The following ASTN2 variants were observed in gnomAD, a reference collection of about 807,000 sequenced individuals.
The protein encoded by ASTN2 is astrotactin 2.
Under a neutral mutation model 139.8 loss-of-function variants are expected in ASTN2, and 54 were observed. That is an observed-to-expected ratio of 0.39 (90% CI 0.31 to 0.48). ASTN2 has a LOEUF of 0.48. ASTN2 is among the 20% of genes least tolerant of loss of function. ASTN2 has a pLI of 0.95. For missense variants in ASTN2, 1,565 were observed against 1,725.1 expected, an observed-to-expected ratio of 0.91 and a Z score of 1.64; for synonymous variants, 756 against 719.5, an observed-to-expected ratio of 1.05 and a Z score of -0.81.
intron 16 of ASTN2, among the ~76,000 whole-genome samples, chr9:116,718,970 C>CTTTATATATATATATATATATATATATA (rs1828392449): frequency 3.9e-5 from 1 of 25,932 alleles, no homozygotes; most frequent in Non-Finnish European, 8.3e-5. Flanking sequence ...ATACCTGTAT[C>CTTTATATATATATATATATATATATATA]TGTACATATA....
intron 10 of ASTN2, among the ~76,000 whole-genome samples, chr9:116,887,971 A>G (rs570590211): frequency 1.5e-4 from 23 of 152,328 alleles, no homozygotes; most frequent in African/African-American, 4.8e-4. Context: ...CCCAGCCCCA[A>G]TGTGATTTAC....
Position 116,698,383 on chromosome 9 carries a change from A to T in ASTN2, c.2806+27388T>A. The T allele has an allele frequency of 6.2e-7, 1 of 1,614,120 alleles. No homozygotes were observed. The highest frequency in any genetic ancestry group is 8.5e-7 in the Non-Finnish European group (1 of 1,180,024). On this transcript the variant is annotated intron_variant, in intron 16 of 22. Transcript: ENST00000313400. This position sits in a 1 kb window ranked among gnomAD's most constrained non-coding sequence, Gnocchi z 4.4. ...TTCACAGGCTCTTTGGCTGAAGTTG[A>T]GAAGTCCAATAGTCAAGTGGTAGAG...
At chr9:117,105,451 T>A (rs1035882694) in intron 4 of ASTN2, among the ~76,000 whole-genome samples, 2 of 152,136 alleles carry the variant, frequency 1.3e-5, no homozygotes, top group African/African-American at 4.8e-5. Context: ...AACCTTCTAG[T>A]TGATTCTACC....
chr9:116,985,589 T>C (rs1836654251), intron 7 of ASTN2, among the ~76,000 whole-genome samples: 1 of 152,148 alleles, frequency 6.6e-6, no homozygotes, highest in African/African-American at 2.4e-5. Context: ...CAGACATGAT[T>C]ATATATTATT....
chr9:116,864,666 T>C (rs138979766), intron 10 of ASTN2, among the ~76,000 whole-genome samples: 1 of 152,182 alleles, frequency 6.6e-6, no homozygotes, highest in African/African-American at 2.4e-5. Flanking sequence ...GCGGCACATA[T>C]CCTTCCCTGG....
intron 4 of ASTN2, among the ~76,000 whole-genome samples, chr9:117,131,123 T>A (rs1829817656): frequency 6.6e-6 from 1 of 152,208 alleles, no homozygotes. Flanking sequence ...AGTCCTAATG[T>A]AGGTAATAGG....
chr9:116,925,317 A>G (rs932986459), intron 10 of ASTN2, among the ~76,000 whole-genome samples: 1 of 152,202 alleles, frequency 6.6e-6, no homozygotes, highest in Non-Finnish European at 1.5e-5. Context: ...ATACCTCTTG[A>G]GAACCTTATG....
chr9:116,874,368 C>CA (rs1833242013), intron 10 of ASTN2, among the ~76,000 whole-genome samples: 1 of 152,116 alleles, frequency 6.6e-6, no homozygotes, highest in African/African-American at 2.4e-5. Context: ...TTCCTGCATG[C>CA]CTAGAGTCCT....
chr9:117,005,931 C>T (rs1174420949), intron 7 of ASTN2, among the ~76,000 whole-genome samples: 5 of 152,070 alleles, frequency 3.3e-5, no homozygotes, highest in African/African-American at 1.2e-4. Flanking sequence ...TATCCTAGGC[C>T]CTGGATGTTG....
At chr9:116,940,306 C>T (rs1835188413) in intron 10 of ASTN2, among the ~76,000 whole-genome samples, 2 of 152,074 alleles carry the variant, frequency 1.3e-5, no homozygotes. Context: ...AACTGTAAAA[C>T]AGCCTCAGAC....
At chr9:116,455,448 CAA>C (rs776724025) in intron 20 of ASTN2, among the ~76,000 whole-genome samples, 2 of 151,474 alleles carry the variant, frequency 1.3e-5, no homozygotes, top group East Asian at 3.9e-4. Flanking sequence ...TTCTTTACTA[CAA>C]ATTATTTAAG....
At chr9:116,545,065 G>C (rs955617654) in intron 19 of ASTN2, among the ~76,000 whole-genome samples, 1 of 152,126 alleles carries the variant, frequency 6.6e-6, no homozygotes, top group African/African-American at 2.4e-5. Context: ...CAGCTTCCCA[G>C]CCAGCTTCCC....
chr9:116,637,544 C>T (rs1240684008), intron 17 of ASTN2, among the ~76,000 whole-genome samples: 1 of 152,156 alleles, frequency 6.6e-6, no homozygotes, highest in Non-Finnish European at 1.5e-5. Context: ...AACATATGCT[C>T]TGTCTAGTAA....
intron 11 of ASTN2, among the ~76,000 whole-genome samples, chr9:116,856,373 C>G (rs186384409): frequency 6.6e-5 from 10 of 152,296 alleles, no homozygotes; most frequent in Admixed American, 2.6e-4. Flanking sequence ...GGTTACATGC[C>G]CAGGCAGGCA....
intron 19 of ASTN2, among the ~76,000 whole-genome samples, chr9:116,616,954 C>T (rs1588089270): frequency 6.6e-6 from 1 of 152,176 alleles, no homozygotes; most frequent in African/African-American, 2.4e-5. Context: ...GCACTCCATA[C>T]AGAGTCAAAA....
At chr9:117,117,389 G>A (rs1480848945) in intron 4 of ASTN2, among the ~76,000 whole-genome samples, 10 of 120,664 alleles carry the variant, frequency 8.3e-5, no homozygotes, top group African/African-American at 2.6e-4. Flanking sequence ...AGAAAAGAAC[G>A]AAGAAAGAGA....
At chr9:116,483,903 T>C (rs1267921536) in intron 20 of ASTN2, among the ~76,000 whole-genome samples, 1 of 152,230 alleles carries the variant, frequency 6.6e-6, no homozygotes, top group African/African-American at 2.4e-5. Flanking sequence ...TGAGCCCAGA[T>C]TCCCCAGTGG....
intron 7 of ASTN2, among the ~76,000 whole-genome samples, chr9:116,988,955 G>A (rs1407496232): frequency 6.6e-6 from 1 of 152,102 alleles, no homozygotes; most frequent in Non-Finnish European, 1.5e-5. Flanking sequence ...CCTTATTCAT[G>A]AGAATGCCAT....
chr9:116,632,144 GAGAGAGAGAGAGAC>G (rs1856779714), intron 17 of ASTN2, among the ~76,000 whole-genome samples: 2 of 76,778 alleles, frequency 2.6e-5, no homozygotes, highest in Non-Finnish European at 2.5e-5. Flanking sequence ...GAGAGAGAGA[GAGAGAGAGAGAGAC>G]AGAGAGAGAG....
Sources: allele counts gnomAD v4.1 joint callset (sites outside exome capture counted in the v4.1 genomes callset), GRCh38; gene constraint gnomAD v4.1.1; non-coding constraint Gnocchi (gnomAD v3.1); transcripts MANE v1.5; gene names NCBI Gene and HGNC (gene_info 2026-07-23, HGNC 2026-07-21).